Variants in MFSD6 observed in about 807,000 individuals in gnomAD.
The protein encoded by MFSD6 is major facilitator superfamily domain-containing protein 6.
MFSD6 carries 26 observed loss-of-function variants against 56.3 expected under a neutral mutation model. That is an observed-to-expected ratio of 0.46 (90% CI 0.34 to 0.64). MFSD6 has a LOEUF of 0.64. MFSD6 is among the 30% of genes least tolerant of loss of function. The pLI, the probability that MFSD6 is intolerant of heterozygous loss-of-function variation, is 0.01. For missense variants in MFSD6, 750 were observed against 986.2 expected (o/e 0.76, Z 3.21); for synonymous variants, 331 against 366.9 (o/e 0.90, Z 1.12).
chr2:190,429,534 G>C (rs528030732), intron 2 of MFSD6, among the ~76,000 whole-genome samples: 1 of 151,858 alleles, frequency 6.6e-6, no homozygotes, highest in Non-Finnish European at 1.5e-5. Flanking sequence ...CATCATGTTG[G>C]CCAGCCTGGT....
rs1396711642 is a variant in MFSD6, at chr2:190,416,642, A to T, written c.-54+1229A>T. On this transcript the variant is annotated intron_variant, in intron 2 of 7. Coordinates refer to ENST00000392328, the MANE Select transcript of MFSD6 (RefSeq NM_017694.4). The surrounding 1 kb of genome is among the most constrained non-coding windows in gnomAD (Gnocchi z 4.1). ...TAATTCTGGGAAAAGTGCTTTTGGCATAATTGCAAAATAAGACCCAGAGTT... is the reference window on the plus strand; with the variant it reads ...TAATTCTGGGAAAAGTGCTTTTGGCTTAATTGCAAAATAAGACCCAGAGTT... Among the ~76,000 whole-genome samples the T allele has an allele frequency of 1.3e-5, 2 of 152,250 alleles. No homozygotes were observed. The highest frequency in any genetic ancestry group is 2.9e-5 in the Non-Finnish European group (2 of 68,040).
intron 1 of MFSD6, among the ~76,000 whole-genome samples, chr2:190,414,006 G>A (rs1163017215): frequency 6.6e-6 from 1 of 152,114 alleles, no homozygotes; most frequent in Non-Finnish European, 1.5e-5. Context: ...TTGGCTCAAG[G>A]TAGAGCAAAG....
chr2:190,464,936 T>C, intron 3 of MFSD6: 1 of 982,164 alleles, frequency 1.0e-6, no homozygotes, highest in Non-Finnish European at 1.2e-6. Flanking sequence ...GATTTAGCCA[T>C]ATTATAGTTG....
Position 190,463,567 on chromosome 2 carries a change from C to T in MFSD6, c.1533-6191C>T, listed in dbSNP as rs1471808017. On this transcript the variant is annotated intron_variant, in intron 3 of 7. Coordinates refer to ENST00000392328, the MANE Select transcript of MFSD6 (RefSeq NM_017694.4). This position sits in a 1 kb window ranked among gnomAD's most constrained non-coding sequence, Gnocchi z 4.4. ...CAGGTGGATGGCTCATGCCTATAAT[C>T]CCAGCAACTTTGGGAGGCTGAGATA... Among the ~76,000 whole-genome samples, 1 of 152,176 alleles carries T rather than the reference C, an allele frequency of 6.6e-6. No homozygotes were observed. Among genetic ancestry groups the T allele is most frequent in the Non-Finnish European group, 1.5e-5 (1 of 68,018 alleles).
At chr2:190,476,921 G>A (rs1200932192) in intron 4 of MFSD6, among the ~76,000 whole-genome samples, 2 of 151,898 alleles carry the variant, frequency 1.3e-5, no homozygotes, top group Non-Finnish European at 2.9e-5. Context: ...GGATGAAGCT[G>A]GAAACCATCA....
intron 3 of MFSD6, among the ~76,000 whole-genome samples, chr2:190,455,006 T>TATGTATATGTATATGTATA (rs1559120808): frequency 7.6e-5 from 9 of 119,148 alleles, no homozygotes; most frequent in African/African-American, 2.3e-4. Flanking sequence ...GTATAATGTA[T>TATGTATATGTATATGTATA]ATGTATATGT....
At position 190,461,884 on chromosome 2, in the gene MFSD6, T is replaced by A. The variant is rs1687348290; in HGVS notation, c.1533-7874T>A. 6.6e-6 allele frequency among the ~76,000 whole-genome samples: 1 copy of A among 152,180 alleles called. No homozygotes were observed. The highest frequency in any genetic ancestry group is 2.1e-4 in the South Asian group (1 of 4,828). On this transcript the variant is annotated intron_variant, in intron 3 of 7. Transcript: ENST00000392328. This position sits in a 1 kb window ranked among gnomAD's most constrained non-coding sequence, Gnocchi z 5.5. ...GTGGAACATGAACCTTAATATACTT[T>A]CAGAACAATCTGAGAGCAGAAGTCT...
chr2:190,417,888 C>A lies in MFSD6; in HGVS notation c.-54+2475C>A, dbSNP rs762747257. On this transcript the variant is annotated intron_variant, in intron 2 of 7. Transcript: ENST00000392328. The surrounding 1 kb of genome is among the most constrained non-coding windows in gnomAD (Gnocchi z 5.7). ...GAAGCATGCCTATTGTCCCTAATAT[C>A]TTTTAGTTAATAAATTATATAGGGC... 3.3e-5 allele frequency among the ~76,000 whole-genome samples: 5 copies of A among 151,626 alleles called. No homozygotes were observed. Among genetic ancestry groups the A allele is most frequent in the African/African-American group, 4.9e-5 (2 of 41,232 alleles).
chr2:190,445,468 A>AC (rs1553518917), intron 3 of MFSD6, among the ~76,000 whole-genome samples: 43 of 146,416 alleles, frequency 2.9e-4, no homozygotes, highest in African/African-American at 9.0e-4. Context: ...AAAAAAAAAA[A>AC]CCCCGACTAT....
chr2:190,445,725 G>A (rs576820768), intron 3 of MFSD6, among the ~76,000 whole-genome samples: 1 of 152,224 alleles, frequency 6.6e-6, no homozygotes, highest in Non-Finnish European at 1.5e-5. Flanking sequence ...TTCATTTGCA[G>A]AGTCAGTTGG....
Position 190,497,767 on chromosome 2 carries a change from C to T in MFSD6, c.2172+48C>T, listed in dbSNP as rs1406621615. On this transcript the variant is annotated intron_variant, in intron 7 of 7. Transcript: ENST00000392328. The surrounding 1 kb of genome is among the most constrained non-coding windows in gnomAD (Gnocchi z 5.2). ...GCAATATTACCTGTCACTCAAGATA[C>T]CTTAACTGGGCTCAGTTTTAATTAC... 3 of 1,553,748 alleles carry T rather than the reference C, an allele frequency of 1.9e-6. No homozygotes were observed. In the Admixed American group the frequency reaches 5.4e-5, roughly 28 times the overall value.
chr2:190,411,959 G>A (rs1183003948), intron 1 of MFSD6: 1 of 985,234 alleles, frequency 1.0e-6, no homozygotes, highest in Non-Finnish European at 1.2e-6. Flanking sequence ...CTGGTAGAAG[G>A]TAGGAGTTGG....
chr2:190,466,939 G>A (rs1485359144), intron 3 of MFSD6, among the ~76,000 whole-genome samples: 1 of 152,184 alleles, frequency 6.6e-6, no homozygotes, highest in Non-Finnish European at 1.5e-5. Context: ...TGAAGGCAAA[G>A]CACAATCTAC....
intron 3 of MFSD6, among the ~76,000 whole-genome samples, chr2:190,441,662 C>T (rs932106105): frequency 6.6e-6 from 1 of 151,936 alleles, no homozygotes; most frequent in Non-Finnish European, 1.5e-5. Context: ...TCTCTACAGT[C>T]CTCTCTCTCT....
In MFSD6 at chr2:190,426,507, T is replaced by C. The variant is rs1213037216; in HGVS notation, c.-53-9470T>C. ...TTAAAAATATTTTAAATTCAGGGGGTACAATGCATGTTTGTTACATGGGTA... is the reference window on the plus strand; with the variant it reads ...TTAAAAATATTTTAAATTCAGGGGGCACAATGCATGTTTGTTACATGGGTA... On this transcript the variant is annotated intron_variant, in intron 2 of 7. Coordinates refer to ENST00000392328, the MANE Select transcript of MFSD6 (RefSeq NM_017694.4). The surrounding 1 kb of genome is among the most constrained non-coding windows in gnomAD (Gnocchi z 4.7). 6.6e-6 allele frequency among the ~76,000 whole-genome samples: 1 copy of C among 152,166 alleles called. No individual in the cohort carries two copies. The highest frequency in any genetic ancestry group is 1.5e-5 in the Non-Finnish European group (1 of 68,018).
intron 3 of MFSD6, among the ~76,000 whole-genome samples, chr2:190,455,509 C>T (rs1036456353): frequency 1.3e-5 from 2 of 152,150 alleles, no homozygotes; most frequent in African/African-American, 4.8e-5. Flanking sequence ...CTTGCTTCTG[C>T]AGTTTGTTGA....
At chr2:190,435,865 T>C in intron 2 of MFSD6, 112 bp from the exon 3 acceptor site, 1 of 927,332 alleles carries the variant, frequency 1.1e-6, no homozygotes, top group Non-Finnish European at 1.6e-6. Flanking sequence ...GAGAATTCTC[T>C]CTTGCAATTA....
intron 3 of MFSD6, among the ~76,000 whole-genome samples, chr2:190,445,352 A>G (rs1264513691): frequency 6.6e-6 from 1 of 152,040 alleles, no homozygotes; most frequent in Non-Finnish European, 1.5e-5. Flanking sequence ...TCATCAGAGT[A>G]TTTAAGAAAA....
At position 190,454,638 on chromosome 2, in the gene MFSD6, T is replaced by C. The variant is rs1330473601; in HGVS notation, c.1533-15120T>C. ...GAGACCCCTCACCAGAACCCAGACA[T>C]GCTGGTATCCTATTCTCAGATTTCC... On this transcript the variant is annotated intron_variant, in intron 3 of 7. Coordinates refer to ENST00000392328, the MANE Select transcript of MFSD6 (RefSeq NM_017694.4). The surrounding 1 kb of genome is among the most constrained non-coding windows in gnomAD (Gnocchi z 4.6). The C allele has an allele frequency of 6.6e-6, 1 of 152,186 alleles. No individual in the cohort carries two copies. The highest frequency in any genetic ancestry group is 1.5e-5 in the Non-Finnish European group (1 of 68,060). The allele number at this position is 152,186 out of a possible 1,614,324, so 9.4% of individuals were successfully genotyped here.
Sources: gnomAD v4.1 joint callset for allele counts (sites outside exome capture counted in the v4.1 genomes callset) on GRCh38, gnomAD v4.1.1 for gene constraint, Gnocchi (gnomAD v3.1) non-coding constraint, MANE v1.5 for transcripts, NCBI Gene and HGNC (gene_info 2026-07-23, HGNC 2026-07-21) for gene names.